The following CORO2B variants were observed in gnomAD, a reference collection of about 807,000 sequenced individuals.
CORO2B encodes the protein coronin 2B.
A neutral mutation model predicts 58.8 loss-of-function variants in CORO2B; 26 were observed. That is an observed-to-expected ratio of 0.44 (90% CI 0.32 to 0.61). CORO2B has a LOEUF of 0.61. Among genes scored for constraint, CORO2B ranks in the 20% least tolerant of loss-of-function variants. CORO2B has a pLI of 0.04. For missense variants in CORO2B, 460 were observed against 645.1 expected, an observed-to-expected ratio of 0.71 and a Z score of 3.11; for synonymous variants, 242 against 253.8, an observed-to-expected ratio of 0.95 and a Z score of 0.44.
At chr15:68,612,321 AATG>A (rs1194959870) in intron 1 of CORO2B, among the ~76,000 whole-genome samples, 8 of 152,224 alleles carry the variant, frequency 5.3e-5, no homozygotes, top group Non-Finnish European at 7.3e-5. Flanking sequence ...TAGGCTTTGA[AATG>A]ATGATCGTAA....
rs369281821 is a variant in CORO2B at position 68,667,069 on chromosome 15, G to A, written c.216+21709G>A. On this transcript the variant is annotated intron_variant, in intron 2 of 11. Transcript: ENST00000261861. ...AGGCTTCCCTCTCCCCAGGCTCCCCGCTCCTGATCTCCCTTCACTCTCATG... is the reference window on the plus strand; with the variant it reads ...AGGCTTCCCTCTCCCCAGGCTCCCCACTCCTGATCTCCCTTCACTCTCATG... 5.1e-4 allele frequency among the ~76,000 whole-genome samples: 78 copies of A among 152,000 alleles called. 1 individual carries two copies. The highest frequency in any genetic ancestry group is 1.9e-3 in the African/African-American group (77 of 41,458).
the CORO2B span, among the ~76,000 whole-genome samples, chr15:68,561,593 G>A: frequency 6.6e-6 from 1 of 152,178 alleles, no homozygotes; most frequent in African/African-American, 2.4e-5. Flanking sequence ...GGTGGAAGAT[G>A]GACAGAGATG....
the CORO2B span, among the ~76,000 whole-genome samples, chr15:68,571,129 G>T: frequency 6.6e-6 from 1 of 152,132 alleles, no homozygotes; most frequent in Admixed American, 6.5e-5. Flanking sequence ...TCTCTTTAAA[G>T]AGCTGCCCAA....
At chr15:68,545,407 A>G in the CORO2B span, among the ~76,000 whole-genome samples, 1 of 152,116 alleles carries the variant, frequency 6.6e-6, no homozygotes, top group African/African-American at 2.4e-5. Context: ...AGCCTCTGTC[A>G]TACCCTGGTG....
chr15:68,583,602 G>A (rs1899482385), intron 1 of CORO2B, among the ~76,000 whole-genome samples: 1 of 152,176 alleles, frequency 6.6e-6, no homozygotes, highest in Non-Finnish European at 1.5e-5. Flanking sequence ...GTGGGAGGAG[G>A]GACAGGATGT....
At chr15:68,651,193 A>G (rs571217433) in intron 2 of CORO2B, among the ~76,000 whole-genome samples, 1 of 152,304 alleles carries the variant, frequency 6.6e-6, no homozygotes, top group East Asian at 1.9e-4. Flanking sequence ...CCCGCCTCCA[A>G]AGCGGGATGA....
chr15:68,613,041 C>T (rs567534049), intron 1 of CORO2B, among the ~76,000 whole-genome samples: 3 of 152,330 alleles, frequency 2.0e-5, no homozygotes, highest in Admixed American at 2.0e-4. Flanking sequence ...TCTCACTTCA[C>T]CAAAACTCCT....
chr15:68,554,796 G>T, the CORO2B span, among the ~76,000 whole-genome samples: 1 of 152,192 alleles, frequency 6.6e-6, no homozygotes, highest in Non-Finnish European at 1.5e-5. Context: ...ACGGAGCCAG[G>T]GCTCCTTCCC....
At chr15:68,682,084 G>A (rs1004535983) in intron 2 of CORO2B, among the ~76,000 whole-genome samples, 3 of 152,108 alleles carry the variant, frequency 2.0e-5, no homozygotes, top group African/African-American at 4.8e-5. Flanking sequence ...CCCTGGGTAG[G>A]AGGAACCCCT....
In CORO2B at chr15:68,602,416, C is replaced by CACAA. The variant is rs1244439438; in HGVS notation, c.15+23142_15+23143insAACA. ...CCAAATTAGGGGCTGATCACACACA[C>CACAA]ACACACACACACACACACACACACA... On this transcript the variant is annotated intron_variant, in intron 1 of 11. Transcript: ENST00000261861. 6.6e-4 allele frequency among the ~76,000 whole-genome samples: 96 copies of CACAA among 145,960 alleles called. 1 individual carries two copies. The highest frequency in any genetic ancestry group is 2.6e-3 in the African/African-American group (96 of 36,982).
At chr15:68,693,681 C>A (rs1892441158) in intron 2 of CORO2B, among the ~76,000 whole-genome samples, 1 of 152,208 alleles carries the variant, frequency 6.6e-6, no homozygotes, top group Non-Finnish European at 1.5e-5. Flanking sequence ...GTGGACTCAC[C>A]CCCTCCCAGG....
In CORO2B at chr15:68,727,243, G is replaced by T. The variant is rs1128848; in HGVS notation, c.*1269G>T. The T allele has an allele frequency of 6.6e-6, 1 of 152,462 alleles. No individual in the cohort carries two copies. Among genetic ancestry groups the T allele is most frequent in the Non-Finnish European group, 1.5e-5 (1 of 67,996 alleles). The allele number at this position is 152,462 out of a possible 1,614,324, so 9.4% of individuals were successfully genotyped here. ...AGTCCTTTGACACATAGGATCTCAT[G>T]GAGCCTCACGTCTACTCCCTTCTGC... On this transcript the variant is annotated 3_prime_UTR_variant, in exon 12 of 12. Transcript: ENST00000261861.
At chr15:68,627,657 T>C (rs1425264182) in intron 1 of CORO2B, among the ~76,000 whole-genome samples, 1 of 152,120 alleles carries the variant, frequency 6.6e-6, no homozygotes, top group Non-Finnish European at 1.5e-5. Context: ...ATCTGCAGGA[T>C]GGGACGGGGA....
intron 1 of CORO2B, chr15:68,632,136 G>T: frequency 1.0e-6 from 1 of 985,568 alleles, no homozygotes; most frequent in Non-Finnish European, 1.2e-6. Context: ...CTGCAGCGGG[G>T]TCTCTGGGAT....
intron 1 of CORO2B, among the ~76,000 whole-genome samples, chr15:68,602,435 A>ACG (rs1566982244): frequency 2.6e-5 from 4 of 151,976 alleles, no homozygotes; most frequent in Middle Eastern, 3.4e-3. Flanking sequence ...ACACACACAC[A>ACG]CACACACACA....
the CORO2B span, among the ~76,000 whole-genome samples, chr15:68,537,129 T>G: frequency 6.6e-6 from 1 of 152,346 alleles, no homozygotes; most frequent in African/African-American, 2.4e-5. Context: ...TCTGAAAAGT[T>G]GGTTTCTGTC....
intron 2 of CORO2B, among the ~76,000 whole-genome samples, chr15:68,670,412 T>G (rs1406359554): frequency 6.6e-6 from 1 of 152,138 alleles, no homozygotes; most frequent in African/African-American, 2.4e-5. Flanking sequence ...AATCCTGGGC[T>G]CAAGTGATCC....
chr15:68,567,342 G>C, the CORO2B span, among the ~76,000 whole-genome samples: 2 of 152,326 alleles, frequency 1.3e-5, no homozygotes, highest in Admixed American at 1.3e-4. Context: ...TTTATACTTA[G>C]ACAAAGAAGG....
intron 11 of CORO2B, among the ~76,000 whole-genome samples, chr15:68,721,541 A>C (rs993796077): frequency 6.6e-6 from 1 of 151,978 alleles, no homozygotes; most frequent in Non-Finnish European, 1.5e-5. Flanking sequence ...CCCTGTCTCT[A>C]CTAAAAATAC....
Sources: gnomAD v4.1 joint callset for allele counts (sites outside exome capture counted in the v4.1 genomes callset) on GRCh38, gnomAD v4.1.1 for gene constraint, MANE v1.5 for transcripts, NCBI Gene and HGNC (gene_info 2026-07-23, HGNC 2026-07-21) for gene names.